DPP10: variants seen among roughly 807,000 people sequenced by gnomAD.
DPP10 encodes the protein inactive dipeptidyl peptidase 10.
DPP10 carries 33 observed loss-of-function variants against 120.9 expected under a neutral mutation model. That is an observed-to-expected ratio of 0.27 (90% CI 0.21 to 0.37). The LOEUF is 0.37. DPP10 is among the 10% of genes least tolerant of loss of function. The pLI, the probability that DPP10 is intolerant of heterozygous loss-of-function variation, is 1.00. For missense variants in DPP10, 816 were observed against 942.8 expected, an observed-to-expected ratio of 0.87 and a Z score of 1.76; for synonymous variants, 337 against 326.1, an observed-to-expected ratio of 1.03 and a Z score of -0.36.
intron 1 of DPP10, among the ~76,000 whole-genome samples, chr2:114,685,530 A>G (rs556381364): frequency 3.9e-5 from 6 of 152,088 alleles, no homozygotes; most frequent in Non-Finnish European, 7.4e-5. Flanking sequence ...AGAATTAGCT[A>G]TGTGCTTGCT....
At chr2:115,192,101 C>T (rs1221556160) in intron 1 of DPP10, among the ~76,000 whole-genome samples, 1 of 152,148 alleles carries the variant, frequency 6.6e-6, no homozygotes, top group Non-Finnish European at 1.5e-5. Context: ...TATCCAGTAC[C>T]TGGGCTAATT....
intron 1 of DPP10, among the ~76,000 whole-genome samples, chr2:115,033,386 T>C (rs1004080398): frequency 9.9e-5 from 15 of 152,186 alleles, no homozygotes; most frequent in Non-Finnish European, 2.1e-4. Context: ...CTCTGTCCCT[T>C]TGCTTTCTCC....
At chr2:115,376,304 T>C (rs1180509674) in intron 3 of DPP10, among the ~76,000 whole-genome samples, 3 of 152,154 alleles carry the variant, frequency 2.0e-5, no homozygotes, top group African/African-American at 7.2e-5. Context: ...TGATTGAATG[T>C]TATGTATGAA....
At chr2:114,578,211 GA>G (rs1168586190) in intron 1 of DPP10, among the ~76,000 whole-genome samples, 3 of 152,142 alleles carry the variant, frequency 2.0e-5, no homozygotes, top group Non-Finnish European at 2.9e-5. Flanking sequence ...CTCTGGTGTT[GA>G]AGAATCAATT....
At chr2:114,738,575 C>T (rs995270199) in intron 1 of DPP10, among the ~76,000 whole-genome samples, 1 of 152,186 alleles carries the variant, frequency 6.6e-6, no homozygotes, top group Non-Finnish European at 1.5e-5. Context: ...GAGCACCGGC[C>T]TGTGTGAGAA....
chr2:114,568,001 A>G (rs925716354), intron 1 of DPP10, among the ~76,000 whole-genome samples: 8 of 151,258 alleles, frequency 5.3e-5, no homozygotes, highest in African/African-American at 1.7e-4. Flanking sequence ...CATCCTGCAC[A>G]TGTACCCTGG....
chr2:115,828,662 C>A (rs1411827266), intron 21 of DPP10, among the ~76,000 whole-genome samples: 3 of 152,064 alleles, frequency 2.0e-5, no homozygotes, highest in Non-Finnish European at 4.4e-5. Flanking sequence ...GTTTATTTTT[C>A]ATCATTCAGG....
chr2:114,586,639 G>A (rs1691002685), intron 1 of DPP10, among the ~76,000 whole-genome samples: 1 of 152,214 alleles, frequency 6.6e-6, no homozygotes, highest in African/African-American at 2.4e-5. Context: ...TATACGGTTT[G>A]TTTGGCCCCA....
intron 5 of DPP10, among the ~76,000 whole-genome samples, chr2:115,615,993 C>T (rs1309516569): frequency 2.0e-5 from 3 of 152,048 alleles, no homozygotes; most frequent in Non-Finnish European, 4.4e-5. Flanking sequence ...AAATTATTAG[C>T]AATTCTAAAT....
intron 1 of DPP10, among the ~76,000 whole-genome samples, chr2:114,735,208 C>T (rs1558684962): frequency 1.3e-5 from 2 of 152,098 alleles, no homozygotes; most frequent in African/African-American, 2.4e-5. Context: ...ATTTACTTTG[C>T]TGTTATCCAA....
At chr2:114,627,942 T>C (rs1432568282) in intron 1 of DPP10, among the ~76,000 whole-genome samples, 1 of 152,114 alleles carries the variant, frequency 6.6e-6, no homozygotes, top group Non-Finnish European at 1.5e-5. Flanking sequence ...GTCAAGGTTG[T>C]GTGAAATGGG....
intron 8 of DPP10, among the ~76,000 whole-genome samples, chr2:115,729,460 C>T (rs1037584646): frequency 2.4e-4 from 37 of 152,234 alleles, no homozygotes; most frequent in Non-Finnish European, 8.8e-5. Context: ...GATTTGCAAG[C>T]ATTTTTTCTA....
At chr2:114,718,400 GAAAAAAAA>G (rs71297184) in intron 1 of DPP10, among the ~76,000 whole-genome samples, 30 of 81,192 alleles carry the variant, frequency 3.7e-4, no homozygotes, top group African/African-American at 7.8e-4. Context: ...GACTCTGTTT[GAAAAAAAA>G]AAAAAAAAAA....
chr2:114,971,696 G>A (rs765735425), intron 1 of DPP10, among the ~76,000 whole-genome samples: 8 of 152,094 alleles, frequency 5.3e-5, no homozygotes, highest in Non-Finnish European at 1.0e-4. Flanking sequence ...CAGGAAAAGG[G>A]GGGCAAGGGA....
chr2:115,831,361 G>T (rs558479050), intron 21 of DPP10, among the ~76,000 whole-genome samples: 1 of 152,150 alleles, frequency 6.6e-6, no homozygotes, highest in Admixed American at 6.5e-5. Flanking sequence ...CAATTCTCCT[G>T]CCTCAGCCTC....
At chr2:115,526,116 A>G in intron 5 of DPP10, 144 bp downstream of exon 5, 1 of 564,908 alleles carries the variant, frequency 1.8e-6, no homozygotes, top group Non-Finnish European at 3.1e-6. Context: ...ACTTTGCACA[A>G]AAGATGTTTG....
chr2:115,461,417 T>C (rs2073977822), intron 3 of DPP10, among the ~76,000 whole-genome samples: 1 of 152,180 alleles, frequency 6.6e-6, no homozygotes, highest in Admixed American at 6.6e-5. Flanking sequence ...GCAGTTTCAG[T>C]TACACAGGAT....
intron 4 of DPP10, among the ~76,000 whole-genome samples, chr2:115,509,689 CACAAAACAAA>C (rs913632378): frequency 1.6e-4 from 24 of 151,898 alleles, no homozygotes; most frequent in Admixed American, 4.6e-4. Flanking sequence ...AACAAAAGAA[CACAAAACAAA>C]ACAAAACAAA....
chr2:115,531,149 T>TTG (rs1403690453), intron 5 of DPP10, among the ~76,000 whole-genome samples: 6 of 118,932 alleles, frequency 5.0e-5, no homozygotes, highest in Non-Finnish European at 1.1e-4. Context: ...CAAGATTGAG[T>TTG]TTTTTTTTTT....
Sources: gnomAD v4.1 joint callset for allele counts (sites outside exome capture counted in the v4.1 genomes callset) on GRCh38, gnomAD v4.1.1 for gene constraint, MANE v1.5 for transcripts, NCBI Gene and HGNC (gene_info 2026-07-23, HGNC 2026-07-21) for gene names.